CD163: variants seen among roughly 807,000 people sequenced by gnomAD.
The protein encoded by CD163 is scavenger receptor cysteine-rich type 1 protein M130.
A neutral mutation model predicts 129.2 loss-of-function variants in CD163; 64 were observed. The observed-to-expected ratio is 0.50, with a 90% CI of 0.41 to 0.61. The LOEUF (loss-of-function observed/expected upper bound fraction) is 0.61. CD163 is among the 20% of genes least tolerant of loss of function. The pLI, the probability that CD163 is intolerant of heterozygous loss-of-function variation, is 0.00. For missense variants in CD163, 1,061 were observed against 1,377.9 expected (o/e 0.77, Z 3.64); for synonymous variants, 446 against 478.5 (o/e 0.93, Z 0.89).
At chr12:7,490,865 T>G (rs951442389) in intron 6 of CD163, among the ~76,000 whole-genome samples, 11 of 152,146 alleles carry the variant, frequency 7.2e-5, no homozygotes, top group African/African-American at 2.6e-4. Flanking sequence ...GCTCAGAGTT[T>G]AAAGCAAATA....
intron 14 of CD163, 47 bp downstream of exon 14, chr12:7,482,596 C>T (rs767469980): frequency 2.5e-6 from 4 of 1,588,452 alleles, no homozygotes; most frequent in East Asian, 2.2e-5. Context: ...CTTACAAGAA[C>T]CCCCTTATCC....
intron 16 of CD163, among the ~76,000 whole-genome samples, chr12:7,477,204 G>T (rs1949099413): frequency 6.6e-6 from 1 of 151,848 alleles, no homozygotes; most frequent in Non-Finnish European, 1.5e-5. Context: ...TCTAGAACCA[G>T]AAATACCATT....
chr12:7,496,409 C>A lies in CD163; in HGVS notation c.1099+404G>T, dbSNP rs943577846. On this transcript the variant is annotated intron_variant, in intron 5 of 16. Transcript: ENST00000432237. The surrounding 1 kb of genome is among the most constrained non-coding windows in gnomAD (Gnocchi z 4.8). Reference sequence around the variant, plus strand: ...TTAAAACCTAGATGACAGGTTGATACGTGAAGCAGACCACCATGGAACATG... The same window carrying A: ...TTAAAACCTAGATGACAGGTTGATAAGTGAAGCAGACCACCATGGAACATG... Among the ~76,000 whole-genome samples, 1 of 152,040 alleles carries A rather than the reference C, an allele frequency of 6.6e-6. No individual in the cohort carries two copies. Among genetic ancestry groups the A allele is most frequent in the African/African-American group, 2.4e-5 (1 of 41,368 alleles).
rs766775064 is a variant in CD163 at position 7,471,871 on chromosome 12, A to G, written c.*32-474T>C. 3.3e-5 allele frequency: 5 copies of G among 152,406 alleles called. 1 individual carries two copies. Among genetic ancestry groups the G allele is most frequent in the Non-Finnish European group, 2.9e-5 (2 of 68,104 alleles). The allele number at this position is 152,406 out of a possible 1,614,324, so 9.4% of individuals were successfully genotyped here. The stretch of plus-strand genomic sequence containing the variant: ...TTGAAATTCTCGATGCTAGCACTGC[A>G]GTCTGAAGTCGAACTCGGACAATCA... On this transcript the variant is annotated intron_variant, in intron 16 of 16. Transcript: ENST00000432237.
In CD163 at chr12:7,487,897, A is replaced by C. The variant is rs777404984; in HGVS notation, c.1611T>G (p.Asn537Lys). ...ILGGAHFGEG[N>K]GQIWAEEFQC... ...GGAATTCTTCAGCCCAGATCTGTCC[A>C]TTTCCCTCTCCAAAGTGAGCTCCCC... Residue 537 changes from asparagine (N) to lysine (K), a missense_variant, in exon 7 of 17, where the codon AAT becomes AAG. Asn to Lys is a moderately conservative substitution (Grantham distance 94, BLOSUM62 0). Coordinates refer to ENST00000432237, the MANE Select transcript of CD163 (RefSeq NM_203416.4). The surrounding 1 kb of genome is among the most constrained non-coding windows in gnomAD (Gnocchi z 5.1). The C allele has an allele frequency of 3.7e-6, 6 of 1,614,018 alleles. No individual in the cohort carries two copies. Among genetic ancestry groups the C allele is most frequent in the Non-Finnish European group, 5.1e-6 (6 of 1,180,000 alleles).
In CD163 at chr12:7,483,631, C is replaced by A; in HGVS notation, c.2824G>T (p.Val942Leu). The change falls in exon 12 of 17, where the codon GTG (valine) becomes TTG (leucine). Residue 942 changes from valine to leucine, a missense_variant. Val to Leu is a conservative substitution (Grantham distance 32). Transcript: ENST00000432237. Reference sequence around the variant, plus strand: ...CAGGAACCTCCATGCCAGATCTCCACACGTCCAGAACAGGAAGTGGGTCCT... The same window carrying A: ...CAGGAACCTCCATGCCAGATCTCCAAACGTCCAGAACAGGAAGTGGGTCCT... ...QEGPTSCSGR[V>L]EIWHGGSWGT... 1 of 1,613,644 alleles carries A rather than the reference C, an allele frequency of 6.2e-7. No individual in the cohort carries two copies.
intron 5 of CD163, among the ~76,000 whole-genome samples, chr12:7,495,913 G>T (rs1949393233): frequency 6.6e-6 from 1 of 152,186 alleles, no homozygotes. Context: ...GGAAGACAGT[G>T]TGGTGATTCC....
chr12:7,471,805 G>C (rs919949284), intron 16 of CD163: 2 of 152,226 alleles, frequency 1.3e-5, no homozygotes, highest in Non-Finnish European at 2.9e-5. Flanking sequence ...CACTCAGCGG[G>C]TCCCACTCCC....
At chr12:7,475,114 A>AAC (rs1428576511) in intron 16 of CD163, among the ~76,000 whole-genome samples, 4 of 150,290 alleles carry the variant, frequency 2.7e-5, no homozygotes, top group African/African-American at 9.7e-5. Flanking sequence ...AAAAAAAAAA[A>AAC]AAAACCATGA....
At chr12:7,488,421 G>A (rs149035259) in intron 6 of CD163, among the ~76,000 whole-genome samples, 5 of 152,184 alleles carry the variant, frequency 3.3e-5, no homozygotes, top group South Asian at 2.1e-4. Context: ...ATCTACTATC[G>A]CTATCTCTTA....
chr12:7,495,258 C>G lies in CD163; in HGVS notation c.1243G>C (p.Gly415Arg). 1 of 1,614,106 alleles carries G rather than the reference C, an allele frequency of 6.2e-7. No homozygotes were observed. The highest frequency in any genetic ancestry group is 8.5e-7 in the Non-Finnish European group (1 of 1,180,014). Residue 415 changes from glycine (G) to arginine (R), a missense_variant, in exon 6 of 17, where the codon GGA becomes CGA. Coordinates refer to ENST00000432237, the MANE Select transcript of CD163 (RefSeq NM_203416.4). ...KEADVVCRQL[G>R]CGSALKTSYQ... The stretch of plus-strand genomic sequence containing the variant: ...GATGTTTTGAGTGCAGATCCACATC[C>G]CAGCTGCCTGCAAACCACATCAGCT...
In CD163 at chr12:7,485,089, T is replaced by C. The variant is rs1422887777; in HGVS notation, c.2779+7A>G. 2 of 1,586,768 alleles carry C rather than the reference T, an allele frequency of 1.3e-6. No homozygotes were observed. The highest frequency in any genetic ancestry group is 1.7e-6 in the Non-Finnish European group (2 of 1,164,582). ...TGGAATTTTCATATAGGTCGATGGA[T>C]ACTCACTGTCACATGTGATCCAGGT... On this transcript the variant is annotated splice_region_variant and intron_variant, in intron 11 of 16. Transcript: ENST00000432237. This position sits in a 1 kb window ranked among gnomAD's most constrained non-coding sequence, Gnocchi z 4.5.
intron 12 of CD163, 100 bp from the exon 13 acceptor site, chr12:7,483,104 TA>T: frequency 8.6e-7 from 1 of 1,168,466 alleles, no homozygotes; most frequent in East Asian, 2.3e-5. Flanking sequence ...CTCAACCAAG[TA>T]TATGACTCTT....
intron 3 of CD163, among the ~76,000 whole-genome samples, chr12:7,500,077 T>A (rs1949458263): frequency 6.6e-6 from 1 of 151,960 alleles, no homozygotes; most frequent in Non-Finnish European, 1.5e-5. Flanking sequence ...CTTTCTATAG[T>A]CAGTCCTATG....
chr12:7,503,563 CT>C, intron 1 of CD163, 81 bp downstream of exon 1: 1 of 952,008 alleles, frequency 1.1e-6, no homozygotes. Context: ...ATGCCAATCA[CT>C]TTTAAATCAC....
intron 16 of CD163, among the ~76,000 whole-genome samples, chr12:7,475,510 C>G (rs1292598418): frequency 6.6e-6 from 1 of 152,118 alleles, no homozygotes; most frequent in Non-Finnish European, 1.5e-5. Context: ...TCAACAGATG[C>G]AGAAAACGCC....
At position 7,485,216 on chromosome 12, in the gene CD163, G is replaced by A. The variant is rs1432277841; in HGVS notation, c.2659C>T (p.Pro887Ser). The A allele has an allele frequency of 6.2e-7, 1 of 1,614,186 alleles. No homozygotes were observed. The change falls in exon 11 of 17, where the codon CCC (proline) becomes TCC (serine). Residue 887 changes from proline to serine, a missense_variant. Coordinates refer to ENST00000432237, the MANE Select transcript of CD163 (RefSeq NM_203416.4). This position sits in a 1 kb window ranked among gnomAD's most constrained non-coding sequence, Gnocchi z 4.5. The stretch of plus-strand genomic sequence containing the variant: ...CACTGAACATTGTCCACCCACATGG[G>A]AATGGACATGGCCTTGTCTAAAGAT... ...PASLDKAMSI[P>S]MWVDNVQCPK...
At position 7,486,767 on chromosome 12, in the gene CD163, C is replaced by T; in HGVS notation, c.2190G>A (p.Gly730=). ...AGCCCTCATGATAGATCTCTACTCT[C>T]CCAGCACAGCGACCTCCTCCATTTA... is the stretch of plus-strand genomic sequence containing the variant. ...RLVNGGGRCA[G]RVEIYHEGSW... Residue 730 remains glycine (G), a synonymous_variant, in exon 10 of 17, where the codon GGG becomes GGA. Coordinates refer to ENST00000432237, the MANE Select transcript of CD163 (RefSeq NM_203416.4). The T allele has an allele frequency of 1.2e-6, 2 of 1,613,216 alleles. No homozygotes were observed.
Position 7,485,382 on chromosome 12 carries a change from G to T in CD163, c.2493C>A (p.Ser831Arg), listed in dbSNP as rs762979658. 1 of 1,614,116 alleles carries T rather than the reference G, an allele frequency of 6.2e-7. No homozygotes were observed. The highest frequency in any genetic ancestry group is 1.3e-5 in the African/African-American group (1 of 75,058). Residue 831 changes from serine (S) to arginine (R), a missense_variant, in exon 11 of 17, where the codon AGC (serine) becomes AGA (arginine). Coordinates refer to ENST00000432237, the MANE Select transcript of CD163 (RefSeq NM_203416.4). The surrounding 1 kb of genome is among the most constrained non-coding windows in gnomAD (Gnocchi z 4.5). The stretch of plus-strand genomic sequence containing the variant: ...CCAGACGCCCTGCACAGGCCTCTCT[G>T]CTGGCTTCACTGGTCAGTCTCAGAG... ...FMSLRLTSEA[S>R]REACAGRLEV...
Sources: allele counts gnomAD v4.1 joint callset (sites outside exome capture counted in the v4.1 genomes callset), GRCh38; gene constraint gnomAD v4.1.1; non-coding constraint Gnocchi (gnomAD v3.1); transcripts MANE v1.5; gene names NCBI Gene and HGNC (gene_info 2026-07-23, HGNC 2026-07-21).